SYNE2: variants seen among roughly 807,000 people sequenced by gnomAD.
SYNE2 encodes nesprin-2.
Under a neutral mutation model 856.3 loss-of-function variants are expected in SYNE2, and 431 were observed. That is an observed-to-expected ratio of 0.50 (90% CI 0.47 to 0.55). The LOEUF is 0.55. SYNE2 is among the 20% of genes least tolerant of loss of function. The probability of loss-of-function intolerance (pLI) is 0.00; values close to 1 mark genes in which losing one functional copy is unlikely to be tolerated. For synonymous variants in SYNE2, 2,923 were observed against 2,872.3 expected, an observed-to-expected ratio of 1.02 and a Z score of -0.56; for missense variants, 8,129 against 8,023.2, an observed-to-expected ratio of 1.01 and a Z score of -0.50.
At chr14:63,868,048 A>G (rs989238644) in intron 1 of SYNE2, among the ~76,000 whole-genome samples, 21 of 151,938 alleles carry the variant, frequency 1.4e-4, no homozygotes, top group Non-Finnish European at 2.6e-4. Context: ...AGACTGTCTA[A>G]AAAAAGAAAA....
At chr14:63,802,345 G>A (rs561084900) in intron 1 of SYNE2, among the ~76,000 whole-genome samples, 30 of 151,478 alleles carry the variant, frequency 2.0e-4, no homozygotes, top group Non-Finnish European at 3.8e-4. Context: ...GCTCTCAGGT[G>A]ATCTGCTCGC....
intron 87 of SYNE2, 59 bp from the exon 88 acceptor site, chr14:64,162,013 A>C: frequency 6.3e-7 from 1 of 1,577,678 alleles, no homozygotes; most frequent in Non-Finnish European, 8.7e-7. Flanking sequence ...TGTGCATTGT[A>C]CTTTCGCTAC....
intron 85 of SYNE2, 152 bp from the exon 86 acceptor site, chr14:64,158,473 C>A: frequency 2.6e-6 from 2 of 775,006 alleles, no homozygotes; most frequent in Non-Finnish European, 4.3e-6. Context: ...TGTTCTTATG[C>A]ATTGACCTAC....
chr14:64,024,472 G>A lies in SYNE2; in HGVS notation c.5840+13G>A. On this transcript the variant is annotated intron_variant, in intron 39 of 115. Transcript: ENST00000555002. ...AGCAGCTACTGAGGTAGGAAATAAA[G>A]ATGATATCTAAATAACATGTTTTCT... The A allele has an allele frequency of 1.2e-6, 2 of 1,610,328 alleles. No individual in the cohort carries two copies. Among genetic ancestry groups the A allele is most frequent in the East Asian group, 2.2e-5 (1 of 44,862 alleles).
rs776801026 is a variant in SYNE2, at chr14:64,053,471, A to G, written c.9558A>G (p.Gln3186=). ...TAAATTTGGAAATTAAACATATTCA[A>G]AATGAAAAGGACAATTGTGAAGCAT... ...LLINLEIKHI[Q]NEKDNCEAFQ... Residue 3186 remains glutamine (Q), a synonymous_variant, in exon 48 of 116, where the codon CAA becomes CAG. Transcript: ENST00000555002. The G allele has an allele frequency of 4.5e-5, 73 of 1,613,954 alleles. 1 individual carries two copies. In the South Asian group the frequency reaches 7.3e-4, roughly 16 times the overall value.
At chr14:64,156,837 A>G (rs944006970) in intron 85 of SYNE2, among the ~76,000 whole-genome samples, 1 of 152,176 alleles carries the variant, frequency 6.6e-6, no homozygotes, top group Non-Finnish European at 1.5e-5. Context: ...TTCAGTCCAC[A>G]TAGTTGCCAA....
At chr14:64,133,806 T>A (rs1376208355) in intron 77 of SYNE2, among the ~76,000 whole-genome samples, 1 of 152,242 alleles carries the variant, frequency 6.6e-6, no homozygotes, top group Non-Finnish European at 1.5e-5. Flanking sequence ...TTAGTCATGT[T>A]ACCCAGTTTG....
At chr14:63,823,053 A>G (rs953038241) in intron 1 of SYNE2, among the ~76,000 whole-genome samples, 1 of 152,046 alleles carries the variant, frequency 6.6e-6, no homozygotes, top group African/African-American at 2.4e-5. Flanking sequence ...GCAGTGAGCT[A>G]TGACCATGCT....
intron 1 of SYNE2, among the ~76,000 whole-genome samples, chr14:63,870,182 C>G (rs2140364103): frequency 6.6e-6 from 1 of 152,280 alleles, no homozygotes; most frequent in Admixed American, 6.5e-5. Flanking sequence ...CCACCACACC[C>G]TGCCATTAAC....
chr14:64,024,338 A>G lies in SYNE2; in HGVS notation c.5719A>G (p.Lys1907Glu). The change falls in exon 39 of 116, where the codon AAA becomes GAA. Residue 1907 changes from lysine (K) to glutamate (E), a missense_variant. By Grantham distance (56) the Lys-to-Glu change is moderately conservative. Transcript: ENST00000555002. ...VLKHVKKHLP[K>E]AHVKELISWL... is the part of the protein sequence containing the mutation. The stretch of plus-strand genomic sequence containing the variant: ...GAAGCATGTGAAGAAGCATCTGCCC[A>G]AAGCACATGTGAAGGAGCTTATCAG... 1 of 1,614,186 alleles carries G rather than the reference A, an allele frequency of 6.2e-7. No individual in the cohort carries two copies. The highest frequency in any genetic ancestry group is 8.5e-7 in the Non-Finnish European group (1 of 1,180,006).
intron 59 of SYNE2, among the ~76,000 whole-genome samples, chr14:64,090,197 A>G (rs2097597977): frequency 6.6e-6 from 1 of 152,174 alleles, no homozygotes; most frequent in Non-Finnish European, 1.5e-5. Context: ...TTCTGTTCCC[A>G]GCTCTGCCTC....
intron 1 of SYNE2, among the ~76,000 whole-genome samples, chr14:63,810,014 G>A (rs968482952): frequency 6.6e-6 from 1 of 152,026 alleles, no homozygotes; most frequent in Admixed American, 6.5e-5. Context: ...CTTAAGGCCA[G>A]GGTTCAAAAT....
chr14:64,121,969 A>T, intron 68 of SYNE2, 43 bp from the exon 69 acceptor site: 1 of 1,611,576 alleles, frequency 6.2e-7, no homozygotes. Flanking sequence ...TACTAATCGA[A>T]AAGCTTGATG....
chr14:64,083,080 C>CT (rs1007691071), intron 57 of SYNE2, among the ~76,000 whole-genome samples: 7 of 152,108 alleles, frequency 4.6e-5, no homozygotes, highest in African/African-American at 1.7e-4. Context: ...GATTCAGCTC[C>CT]TTTTTTTATC....
At chr14:64,117,922 G>A (rs894377544) in intron 66 of SYNE2, among the ~76,000 whole-genome samples, 1 of 152,218 alleles carries the variant, frequency 6.6e-6, no homozygotes, top group Admixed American at 6.5e-5. Flanking sequence ...CGCTACTCAG[G>A]TGGTGCAAAA....
chr14:63,878,579 C>CTG (rs10636281), intron 1 of SYNE2, among the ~76,000 whole-genome samples: 98,080 of 151,696 alleles, frequency 0.65, 32,002 homozygotes, highest in South Asian at 0.77. Flanking sequence ...GAGTCTCACT[C>CTG]TTACCCAGGC....
intron 1 of SYNE2, among the ~76,000 whole-genome samples, chr14:63,834,603 C>A (rs1455988591): frequency 1.3e-5 from 2 of 151,442 alleles, no homozygotes; most frequent in African/African-American, 4.8e-5. Context: ...GCTGGGATTA[C>A]AGGTGTGAGC....
intron 83 of SYNE2, among the ~76,000 whole-genome samples, chr14:64,144,508 CA>C (rs1218744839): frequency 3.9e-5 from 6 of 152,084 alleles, no homozygotes; most frequent in African/African-American, 1.4e-4. Context: ...AGGACATGAA[CA>C]GACAATTCAC....
chr14:63,921,201 A>T (rs2095596949), intron 2 of SYNE2, among the ~76,000 whole-genome samples: 1 of 152,072 alleles, frequency 6.6e-6, no homozygotes, highest in African/African-American at 2.4e-5. Context: ...AAAAAAGTGC[A>T]GGAGAACAAC....
Sources: gnomAD v4.1 joint callset for allele counts (sites outside exome capture counted in the v4.1 genomes callset) on GRCh38, gnomAD v4.1.1 for gene constraint, MANE v1.5 for transcripts, NCBI Gene and HGNC (gene_info 2026-07-23, HGNC 2026-07-21) for gene names.